Variants in MYO1E observed in about 807,000 individuals in gnomAD.
MYO1E encodes unconventional myosin-Ie.
A neutral mutation model predicts 151.1 loss-of-function variants in MYO1E; 68 were observed. The ratio of observed to expected loss-of-function variants is 0.45; its 90% confidence interval spans 0.37 to 0.55. The LOEUF (loss-of-function observed/expected upper bound fraction) is 0.55, where lower values mean the gene tolerates loss of function less well. Ranked by LOEUF, MYO1E falls within the 20% of genes least tolerant of loss-of-function variation. The pLI is 0.00. For synonymous variants in MYO1E, 601 were observed against 501.7 expected, an observed-to-expected ratio of 1.20 and a Z score of -2.64; for missense variants, 1,363 against 1,389.3, an observed-to-expected ratio of 0.98 and a Z score of 0.30.
At chr15:59,265,050 A>G (rs1247579247) in intron 2 of MYO1E, 1 of 152,228 alleles carries the variant, frequency 6.6e-6, no homozygotes, top group Non-Finnish European at 1.5e-5. Context: ...TTAATGAATG[A>G]AGTAATAATG....
At chr15:59,210,666 C>T (rs1195012092) in intron 12 of MYO1E, 66 bp from the exon 13 acceptor site, 11 of 1,107,850 alleles carry the variant, frequency 9.9e-6, no homozygotes, top group Non-Finnish European at 1.4e-6. Context: ...CGGACAGACC[C>T]TGAATGGACA....
rs1034867511 is a variant in MYO1E at position 59,195,016 on chromosome 15, G to A, written c.1805+445C>T. 1.1e-4 allele frequency among the ~76,000 whole-genome samples: 16 copies of A among 152,100 alleles called. 1 individual carries two copies. The highest frequency in any genetic ancestry group is 2.1e-4 in the Non-Finnish European group (14 of 67,976). On this transcript the variant is annotated intron_variant, in intron 17 of 27. Coordinates refer to ENST00000288235, the MANE Select transcript of MYO1E (RefSeq NM_004998.4). ...AGCTTGTCCCCAGTGTCTTCACGAGGCACAGCAAATGCTGGATTGTATTTC... is the reference window on the plus strand; with the variant it reads ...AGCTTGTCCCCAGTGTCTTCACGAGACACAGCAAATGCTGGATTGTATTTC...
chr15:59,235,620 A>C (rs2080057518), intron 5 of MYO1E, among the ~76,000 whole-genome samples: 1 of 152,224 alleles, frequency 6.6e-6, no homozygotes, highest in African/African-American at 2.4e-5. Flanking sequence ...TGCATTACCA[A>C]AATTGACAGA....
rs543802649 is a variant in MYO1E, at chr15:59,159,371, C to G, written c.2786-992G>C. Among the ~76,000 whole-genome samples, 7 of 152,360 alleles carry G rather than the reference C, an allele frequency of 4.6e-5. No individual in the cohort carries two copies. In the South Asian group the frequency reaches 1.4e-3, roughly 32 times the overall value. ...GCTGGTTATTTGCAGCCTTTCTTTG[C>G]CCGGCTCTGTGCCCTGGGGTCTGAG... On this transcript the variant is annotated intron_variant, in intron 24 of 27. Coordinates refer to ENST00000288235, the MANE Select transcript of MYO1E (RefSeq NM_004998.4). The surrounding 1 kb of genome is among the most constrained non-coding windows in gnomAD (Gnocchi z 4.4).
chr15:59,218,860 G>A (rs1429405308), intron 9 of MYO1E, among the ~76,000 whole-genome samples: 1 of 152,194 alleles, frequency 6.6e-6, no homozygotes, highest in Non-Finnish European at 1.5e-5. Context: ...GGAAGCAGAA[G>A]TGTGGGAGAC....
chr15:59,249,306 T>C (rs1444365732), intron 4 of MYO1E, among the ~76,000 whole-genome samples: 3 of 151,546 alleles, frequency 2.0e-5, no homozygotes, highest in Non-Finnish European at 2.9e-5. Context: ...GTGCCTGTAG[T>C]CCCAGCTACT....
At chr15:59,236,511 C>A (rs898456368) in intron 5 of MYO1E, 74 bp downstream of exon 5, 10 of 1,323,134 alleles carry the variant, frequency 7.6e-6, no homozygotes, top group Middle Eastern at 1.8e-4. Context: ...AAGAAAAATT[C>A]TTTTCTAACA....
intron 1 of MYO1E, among the ~76,000 whole-genome samples, chr15:59,313,967 G>A (rs1244186978): frequency 2.6e-5 from 4 of 152,248 alleles, no homozygotes; most frequent in African/African-American, 9.6e-5. Flanking sequence ...ACAGGAGTTA[G>A]ACAGCGTGGC....
chr15:59,213,236 T>C (rs1424095031), intron 12 of MYO1E, among the ~76,000 whole-genome samples: 1 of 151,770 alleles, frequency 6.6e-6, no homozygotes, highest in Non-Finnish European at 1.5e-5. Context: ...AGTGGCACGA[T>C]CTCAGCTCAC....
rs548782339 is a variant in MYO1E at position 59,344,217 on chromosome 15, G to A, written c.3+28281C>T. Among the ~76,000 whole-genome samples, 8 of 152,360 alleles carry A rather than the reference G, an allele frequency of 5.3e-5. No homozygotes were observed. In the East Asian group the frequency reaches 5.8e-4, roughly 11 times the overall value. On this transcript the variant is annotated intron_variant, in intron 1 of 27. Transcript: ENST00000288235. ...ATCTAAGTTTGTGGACACCACAGCC[G>A]TATCTGCATTATGGGGTACCCCAAG...
intron 1 of MYO1E, among the ~76,000 whole-genome samples, chr15:59,353,987 T>C (rs2080839766): frequency 6.6e-6 from 1 of 152,176 alleles, no homozygotes; most frequent in Non-Finnish European, 1.5e-5. Flanking sequence ...GCATATTTTA[T>C]TTTTAAAATT....
intron 7 of MYO1E, among the ~76,000 whole-genome samples, chr15:59,225,253 C>A (rs999427282): frequency 6.6e-6 from 1 of 152,178 alleles, no homozygotes; most frequent in African/African-American, 2.4e-5. Flanking sequence ...TGACTGTGAA[C>A]TTCTCCAAGC....
At chr15:59,311,029 T>C (rs1225585448) in intron 1 of MYO1E, among the ~76,000 whole-genome samples, 1 of 152,114 alleles carries the variant, frequency 6.6e-6, no homozygotes, top group Non-Finnish European at 1.5e-5. Context: ...CCTGCCTGCA[T>C]GCTGACCTCC....
chr15:59,161,249 G>A lies in MYO1E; in HGVS notation c.2628-19C>T, dbSNP rs2079536724. 6.2e-7 allele frequency: 1 copy of A among 1,612,506 alleles called. No individual in the cohort carries two copies. The highest frequency in any genetic ancestry group is 1.3e-5 in the African/African-American group (1 of 74,848). ...TTCAAGCCTGCAAAAAGCACAGTGG[G>A]GTTAACAGGTCGAAGGACGCAGTGA... On this transcript the variant is annotated intron_variant, in intron 23 of 27. Transcript: ENST00000288235.
intron 22 of MYO1E, among the ~76,000 whole-genome samples, chr15:59,167,271 A>G (rs371277015): frequency 5.3e-5 from 8 of 152,214 alleles, no homozygotes; most frequent in Admixed American, 2.6e-4. Flanking sequence ...TGGAAAATCT[A>G]TTAACCCAGA....
At chr15:59,203,094 A>T (rs2079812006) in intron 15 of MYO1E, among the ~76,000 whole-genome samples, 1 of 152,168 alleles carries the variant, frequency 6.6e-6, no homozygotes, top group Admixed American at 6.5e-5. Flanking sequence ...TCAGGGAATT[A>T]TATGAAATGT....
intron 13 of MYO1E, among the ~76,000 whole-genome samples, chr15:59,209,815 C>CTTTTCTTTTTTTTTTTTTTTTTTT (rs2079866861): frequency 2.0e-5 from 1 of 49,838 alleles, no homozygotes; most frequent in Admixed American, 2.8e-4. Flanking sequence ...TTTGAATCAC[C>CTTTTCTTTTTTTTTTTTTTTTTTT]TTTTTTTTTT....
chr15:59,224,740 G>A lies in MYO1E; in HGVS notation c.726C>T (p.Gly242=), dbSNP rs775975506. 3 of 1,614,204 alleles carry A rather than the reference G, an allele frequency of 1.9e-6. No individual in the cohort carries two copies. Among genetic ancestry groups the A allele is most frequent in the South Asian group, 1.1e-5 (1 of 91,080 alleles). The change falls in exon 8 of 28, where the codon GGC becomes GGT. Residue 242 remains glycine, a synonymous_variant. Transcript: ENST00000288235. ...CGTCAATGTCATCAACCTTGTATGA[G>A]CCCGAGAGGCTCAGGTAGTAATAAT... is the stretch of plus-strand genomic sequence containing the variant. ...MDYYYYLSLS[G]SYKVDDIDDR...
intron 1 of MYO1E, among the ~76,000 whole-genome samples, chr15:59,328,202 T>C (rs2080677436): frequency 1.3e-5 from 2 of 152,182 alleles, no homozygotes; most frequent in Admixed American, 6.5e-5. Context: ...AATGTGGCCT[T>C]TGCTCAAACC....
Sources: allele counts gnomAD v4.1 joint callset (sites outside exome capture counted in the v4.1 genomes callset), GRCh38; gene constraint gnomAD v4.1.1; non-coding constraint Gnocchi (gnomAD v3.1); transcripts MANE v1.5; gene names NCBI Gene and HGNC (gene_info 2026-07-23, HGNC 2026-07-21).